LARGE1: variants seen among roughly 807,000 people sequenced by gnomAD.
The protein encoded by LARGE1 is xylosyl- and glucuronyltransferase LARGE1.
LARGE1 carries 43 observed loss-of-function variants against 87.6 expected under a neutral mutation model. That is an observed-to-expected ratio of 0.49 (90% CI 0.38 to 0.63). The LOEUF is 0.63. LARGE1 is among the 30% of genes least tolerant of loss of function. The pLI is 0.00. For missense variants in LARGE1, 802 were observed against 1,000.2 expected (o/e 0.80, Z 2.67); for synonymous variants, 434 against 394.6 (o/e 1.10, Z -1.18).
intron 2 of LARGE1, among the ~76,000 whole-genome samples, chr22:33,708,637 G>A (rs189265686): frequency 1.1e-3 from 172 of 152,276 alleles, no homozygotes; most frequent in Admixed American, 9.3e-3. Flanking sequence ...GTCTCGCTCT[G>A]TCGCCCAGGC....
chr22:33,068,549 G>A, the LARGE1 span, among the ~76,000 whole-genome samples: 8 of 152,266 alleles, frequency 5.3e-5, no homozygotes, highest in African/African-American at 1.9e-4. Context: ...GGAGGCTGAG[G>A]CAGGAGAATG....
chr22:33,147,506 A>G, the LARGE1 span, among the ~76,000 whole-genome samples: 1 of 152,198 alleles, frequency 6.6e-6, no homozygotes, highest in African/African-American at 2.4e-5. Context: ...TAATGTTAAA[A>G]TGTTTTAAAC....
intron 1 of LARGE1, among the ~76,000 whole-genome samples, chr22:33,782,489 A>G (rs184790284): frequency 4.1e-4 from 63 of 152,340 alleles, no homozygotes; most frequent in African/African-American, 1.5e-3. Context: ...ACACACATTT[A>G]AATGTGTTGT....
chr22:33,785,863 T>C (rs2085624489), intron 1 of LARGE1, among the ~76,000 whole-genome samples: 1 of 152,202 alleles, frequency 6.6e-6, no homozygotes, highest in Non-Finnish European at 1.5e-5. Flanking sequence ...TGCCATTTTA[T>C]CTAATTTGTG....
chr22:33,695,148 G>C (rs1307063799), intron 2 of LARGE1, among the ~76,000 whole-genome samples: 3 of 144,468 alleles, frequency 2.1e-5, no homozygotes, highest in African/African-American at 7.7e-5. Flanking sequence ...CTGTCTCCCA[G>C]GCTGGAGTGC....
intron 11 of LARGE1, among the ~76,000 whole-genome samples, chr22:33,260,236 A>G (rs771998006): frequency 1.3e-5 from 2 of 151,932 alleles, no homozygotes; most frequent in Non-Finnish European, 2.9e-5. Flanking sequence ...GTGGCCCTGT[A>G]AGGCGTGGCA....
At chr22:33,589,409 T>C (rs181458711) in intron 5 of LARGE1, among the ~76,000 whole-genome samples, 2 of 152,346 alleles carry the variant, frequency 1.3e-5, no homozygotes, top group African/African-American at 4.8e-5. Context: ...TACTCATTGT[T>C]CTGTTTATTA....
At chr22:33,519,218 C>CTGCG (rs1393902778) in intron 6 of LARGE1, among the ~76,000 whole-genome samples, 1 of 141,552 alleles carries the variant, frequency 7.1e-6, no homozygotes, top group East Asian at 2.0e-4. Flanking sequence ...GGTCCCTGAG[C>CTGCG]TGCGTGCGTG....
intron 5 of LARGE1, among the ~76,000 whole-genome samples, chr22:33,601,623 G>A (rs1353818910): frequency 6.6e-6 from 1 of 152,114 alleles, no homozygotes; most frequent in East Asian, 1.9e-4. Context: ...TGTTGTACTG[G>A]ATTCTGACAA....
chr22:33,723,003 C>T (rs73170547), intron 2 of LARGE1, among the ~76,000 whole-genome samples: 5,322 of 152,170 alleles, frequency 0.035, 109 homozygotes, highest in African/African-American at 0.053. Flanking sequence ...GCCTTACTCA[C>T]TTGCTTTCTA....
intron 9 of LARGE1, among the ~76,000 whole-genome samples, chr22:33,342,221 C>T (rs1046176178): frequency 4.6e-5 from 7 of 152,132 alleles, no homozygotes; most frequent in African/African-American, 1.4e-4. Flanking sequence ...CCGGTGCTTG[C>T]CAAGTGCTGA....
At chr22:33,718,500 A>T (rs1243914657) in intron 2 of LARGE1, among the ~76,000 whole-genome samples, 1 of 152,274 alleles carries the variant, frequency 6.6e-6, no homozygotes, top group Non-Finnish European at 1.5e-5. Flanking sequence ...AGGTAGTCAC[A>T]GAAGCTGAAG....
At chr22:33,112,965 G>A in the LARGE1 span, among the ~76,000 whole-genome samples, 1 of 152,288 alleles carries the variant, frequency 6.6e-6, no homozygotes, top group East Asian at 1.9e-4. Context: ...AAAAATCCAA[G>A]AGAAATGAAG....
At chr22:33,093,200 T>C in the LARGE1 span, among the ~76,000 whole-genome samples, 1 of 152,316 alleles carries the variant, frequency 6.6e-6, no homozygotes, top group African/African-American at 2.4e-5. Flanking sequence ...AGCTCTGCAA[T>C]GAGTCTGACT....
At chr22:33,184,630 T>C (rs543384980) in intron 11 of LARGE1, among the ~76,000 whole-genome samples, 26 of 151,852 alleles carry the variant, frequency 1.7e-4, no homozygotes, top group African/African-American at 6.3e-4. Flanking sequence ...AAATTAATCA[T>C]GGGAATGAAA....
At chr22:33,817,936 G>A (rs2146229567) in intron 1 of LARGE1, among the ~76,000 whole-genome samples, 1 of 146,158 alleles carries the variant, frequency 6.8e-6, no homozygotes, top group East Asian at 2.0e-4. Flanking sequence ...GAGGAAAGGG[G>A]GAGGAGAGGA....
At chr22:33,732,913 C>T (rs1206707649) in intron 2 of LARGE1, 1 of 152,304 alleles carries the variant, frequency 6.6e-6, no homozygotes, top group East Asian at 1.9e-4. Context: ...GAAACACCAC[C>T]CACCCCCTCA....
intron 12 of LARGE1, among the ~76,000 whole-genome samples, chr22:33,292,469 G>A (rs138186272): frequency 1.5e-4 from 23 of 152,194 alleles, no homozygotes; most frequent in African/African-American, 5.5e-4. Flanking sequence ...GCAGCTGCAG[G>A]GCCAGGCCAG....
chr22:33,691,059 C>A (rs940048861), intron 2 of LARGE1, among the ~76,000 whole-genome samples: 2 of 152,164 alleles, frequency 1.3e-5, no homozygotes, highest in African/African-American at 4.8e-5. Context: ...CCAGGGGGAC[C>A]CCAGGTTGAC....
Sources: allele counts gnomAD v4.1 joint callset (sites outside exome capture counted in the v4.1 genomes callset), GRCh38; gene constraint gnomAD v4.1.1; transcripts MANE v1.5; gene names NCBI Gene and HGNC (gene_info 2026-07-23, HGNC 2026-07-21).